The following ALOX5AP variants were observed in gnomAD, a reference collection of about 807,000 sequenced individuals.
ALOX5AP encodes the protein arachidonate 5-lipoxygenase activating protein, also known as arachidonate 5-lipoxygenase-activating protein.
ALOX5AP carries 9 observed loss-of-function variants against 18.5 expected under a neutral mutation model. The ratio of observed to expected loss-of-function variants is 0.49; its 90% CI spans 0.29 to 0.85. ALOX5AP has a LOEUF of 0.85. Among genes scored for constraint, ALOX5AP ranks in the 40% least tolerant of loss-of-function variants. The pLI, the probability that ALOX5AP is intolerant of heterozygous loss-of-function variation, is 0.08. For synonymous variants in ALOX5AP, 81 were observed against 78.6 expected, an observed-to-expected ratio of 1.03 and a Z score of -0.16; for missense variants, 172 against 202.5, an observed-to-expected ratio of 0.85 and a Z score of 0.91.
At position 30,755,846 on chromosome 13, in the gene ALOX5AP, C is replaced by T. The variant is rs1951889037; in HGVS notation, c.242-98C>T. 8 of 1,178,514 alleles carry T rather than the reference C, an allele frequency of 6.8e-6. No individual in the cohort carries two copies. The South Asian group carries it at 8.8e-5, about 13-fold the overall frequency. The allele number at this position is 1,178,514 out of a possible 1,614,324, so 73.0% of individuals were successfully genotyped here. On this transcript the variant is annotated intron_variant, in intron 3 of 4. Transcript: ENST00000380490. Reference sequence around the variant, plus strand: ...TCTTTTCCTGAAGTGCGTGTGTCTTCTGCTAGATTTTGTGACCAATGTTGA... The same window carrying T: ...TCTTTTCCTGAAGTGCGTGTGTCTTTTGCTAGATTTTGTGACCAATGTTGA...
intron 1 of ALOX5AP, among the ~76,000 whole-genome samples, chr13:30,727,953 G>A (rs908268003): frequency 6.6e-6 from 1 of 152,138 alleles, no homozygotes; most frequent in Non-Finnish European, 1.5e-5. Flanking sequence ...CAACCTCACT[G>A]TTAAGGGTTG....
intron 4 of ALOX5AP, among the ~76,000 whole-genome samples, chr13:30,760,723 A>G (rs970130406): frequency 3.3e-5 from 5 of 152,200 alleles, no homozygotes; most frequent in South Asian, 2.1e-4. Context: ...CTGTTTGCCT[A>G]GATGGAAAAT....
chr13:30,743,111 G>A (rs1044241020), intron 1 of ALOX5AP, among the ~76,000 whole-genome samples: 8 of 151,758 alleles, frequency 5.3e-5, no homozygotes, highest in Admixed American at 2.0e-4. Context: ...TTCTTCACAC[G>A]GCTCTCAGCA....
chr13:30,735,568 G>C lies in ALOX5AP; in HGVS notation c.-38G>C, dbSNP rs1420128597. ...CTGTACAGGGCAGGTTGTGCAGCTG[G>C]AGGCAGAGCAGTCCTCTCTGGGGAG... On this transcript the variant is annotated 5_prime_UTR_variant, in exon 1 of 5. Transcript: ENST00000380490. 6.2e-7 allele frequency: 1 copy of C among 1,613,520 alleles called. No homozygotes were observed. The highest frequency in any genetic ancestry group is 1.1e-5 in the South Asian group (1 of 90,822).
At chr13:30,713,584 G>A in exon 1 of ALOX5AP, 1 of 644,546 alleles carries the variant, frequency 1.6e-6, no homozygotes, top group Non-Finnish European at 2.7e-6. Flanking sequence ...CCTGATTCCT[G>A]CACCCCACCT....
chr13:30,760,789 G>A (rs1050483112), intron 4 of ALOX5AP, among the ~76,000 whole-genome samples: 2 of 152,144 alleles, frequency 1.3e-5, no homozygotes, highest in African/African-American at 4.8e-5. Flanking sequence ...AGTCATGGGT[G>A]TACAATACCT....
intron 2 of ALOX5AP, among the ~76,000 whole-genome samples, chr13:30,746,956 A>G (rs1172317523): frequency 1.3e-5 from 2 of 152,224 alleles, no homozygotes; most frequent in East Asian, 1.9e-4. Context: ...AGATGCATGT[A>G]TTTTTAGCAT....
At chr13:30,758,105 A>G (rs918721443) in intron 4 of ALOX5AP, among the ~76,000 whole-genome samples, 1 of 152,188 alleles carries the variant, frequency 6.6e-6, no homozygotes, top group Admixed American at 6.5e-5. Context: ...ATACTGCTTA[A>G]CACAACCACT....
chr13:30,752,212 C>T (rs757321893), intron 3 of ALOX5AP, 90 bp downstream of exon 3: 101 of 1,369,622 alleles, frequency 7.4e-5, no homozygotes, highest in Non-Finnish European at 9.8e-5. Flanking sequence ...AAGGACTTTG[C>T]CTGACCTCTG....
chr13:30,749,821 C>T (rs1196013433), intron 2 of ALOX5AP, among the ~76,000 whole-genome samples: 2 of 152,158 alleles, frequency 1.3e-5, no homozygotes, highest in Non-Finnish European at 2.9e-5. Flanking sequence ...TTTTGACCAT[C>T]AGAGGACCAC....
At chr13:30,742,427 G>C (rs913710319) in intron 1 of ALOX5AP, 1 of 152,276 alleles carries the variant, frequency 6.6e-6, no homozygotes, top group Non-Finnish European at 1.5e-5. Context: ...TGAAGTCCCG[G>C]CTGCACCTCT....
At chr13:30,725,144 C>G (rs187334703) in intron 1 of ALOX5AP, among the ~76,000 whole-genome samples, 1 of 135,880 alleles carries the variant, frequency 7.4e-6, no homozygotes, top group Non-Finnish European at 1.6e-5. Context: ...AGAAGATGTC[C>G]GTGAGTTACA....
At chr13:30,717,965 C>CTTT (rs60361280) in intron 1 of ALOX5AP, among the ~76,000 whole-genome samples, 6 of 144,192 alleles carry the variant, frequency 4.2e-5, no homozygotes, top group African/African-American at 1.3e-4. Flanking sequence ...TTTATTTTTT[C>CTTT]TTTTTTTTTT....
chr13:30,730,128 G>A lies in ALOX5AP; in HGVS notation c.117-5423G>A, dbSNP rs564400881. ...ACAACTTAAGATTCTAGAGAAAGAG[G>A]GTCATATCTGTAAAGCACTCTGAGC... On this transcript the variant is annotated intron_variant, in intron 1 of 5. Coordinates refer to the ALOX5AP transcript ENST00000617770. Among the ~76,000 whole-genome samples the A allele has an allele frequency of 2.0e-5, 3 of 152,278 alleles. No individual in the cohort carries two copies. The South Asian group carries it at 6.2e-4, about 32-fold the overall frequency.
Position 30,764,010 on chromosome 13 carries a change from A to G in ALOX5AP, c.390A>G (p.Ile130Met). 1 of 1,614,158 alleles carries G rather than the reference A, an allele frequency of 6.2e-7. No individual in the cohort carries two copies. Among genetic ancestry groups the G allele is most frequent in the Non-Finnish European group, 8.5e-7 (1 of 1,180,014 alleles). ...TGTTCCTCATGTCCGTTGCTGGCATATTCAACTATTACCTCATCTTCTTTT... is the reference window on the plus strand; with the variant it reads ...TGTTCCTCATGTCCGTTGCTGGCATGTTCAACTATTACCTCATCTTCTTTT... ...LFLFLMSVAG[I>M]FNYYLIFFFG... Residue 130 changes from isoleucine (I) to methionine (M), a missense_variant, in exon 5 of 5, where the codon ATA (isoleucine) becomes ATG (methionine). Physicochemically the swap from Ile to Met is conservative, Grantham distance 10 (BLOSUM62 1). Transcript: ENST00000380490.
At chr13:30,738,826 G>A (rs1038928071) in intron 1 of ALOX5AP, among the ~76,000 whole-genome samples, 1 of 152,138 alleles carries the variant, frequency 6.6e-6, no homozygotes, top group Non-Finnish European at 1.5e-5. Flanking sequence ...TCCCCCAAGA[G>A]AGGCAGCCTC....
chr13:30,738,338 CAG>C (rs1951736602), intron 1 of ALOX5AP, among the ~76,000 whole-genome samples: 1 of 152,340 alleles, frequency 6.6e-6, no homozygotes, highest in East Asian at 1.9e-4. Flanking sequence ...TTTGGAAAAA[CAG>C]AACGAGTTTA....
exon 1 of ALOX5AP, chr13:30,713,674 T>C (rs9508825): frequency 0.05 from 63,874 of 1,282,746 alleles, 1,891 homozygotes; most frequent in South Asian, 0.096. Context: ...GCAAGAACTC[T>C]GTAGAACTGA....
At chr13:30,720,212 T>C (rs1407023177) in intron 1 of ALOX5AP, among the ~76,000 whole-genome samples, 1 of 152,224 alleles carries the variant, frequency 6.6e-6, no homozygotes, top group East Asian at 1.9e-4. Flanking sequence ...GTGATTGGCA[T>C]TTTTTTCTAA....
Sources: gnomAD v4.1 joint callset for allele counts (sites outside exome capture counted in the v4.1 genomes callset) on GRCh38, gnomAD v4.1.1 for gene constraint, MANE v1.5 for transcripts, NCBI Gene and HGNC (gene_info 2026-07-23, HGNC 2026-07-21) for gene names.